CDC73: variants seen among roughly 807,000 people sequenced by gnomAD.
CDC73 encodes cell division cycle 73.
In CDC73, 21 loss-of-function variants were observed where a neutral mutation model predicts 83.7. The observed-to-expected ratio is 0.25, with a 90% CI of 0.18 to 0.36. The LOEUF is 0.36. Among genes scored for constraint, CDC73 ranks in the 10% least tolerant of loss-of-function variants. The pLI, the probability that CDC73 is intolerant of heterozygous loss-of-function variation, is 1.00. For missense variants in CDC73, 342 were observed against 653.3 expected (o/e 0.52, Z 5.19); for synonymous variants, 224 against 212.9 (o/e 1.05, Z -0.45).
rs901725473 is a variant in CDC73, at chr1:193,254,616, A to G, written c.*3904A>G. On this transcript the variant is annotated 3_prime_UTR_variant, in exon 17 of 17. Transcript: ENST00000367435. ...TTGAAAATGTATAATAGATGTATAA[A>G]GATTTATATTTAGTTAGTATATAAT... is the stretch of plus-strand genomic sequence containing the variant. 2.0e-5 allele frequency among the ~76,000 whole-genome samples: 3 copies of G among 152,140 alleles called. No individual in the cohort carries two copies. The highest frequency in any genetic ancestry group is 2.9e-5 in the Non-Finnish European group (2 of 67,996).
At chr1:193,174,257 G>T (rs1272552567) in intron 10 of CDC73, among the ~76,000 whole-genome samples, 1 of 151,728 alleles carries the variant, frequency 6.6e-6, no homozygotes, top group Non-Finnish European at 1.5e-5. Flanking sequence ...CTCTTAATAA[G>T]ACTGATTCCT....
intron 15 of CDC73, among the ~76,000 whole-genome samples, chr1:193,242,072 A>C (rs1008681596): frequency 2.0e-4 from 29 of 144,930 alleles, no homozygotes; most frequent in Non-Finnish European, 1.1e-4. Context: ...AGTGGCTTGC[A>C]CTTAGATATC....
chr1:193,146,325 A>G (rs1442058858), intron 7 of CDC73, among the ~76,000 whole-genome samples: 2 of 152,188 alleles, frequency 1.3e-5, no homozygotes, highest in Non-Finnish European at 2.9e-5. Flanking sequence ...CTCAGAGGCC[A>G]AGTATCTTTG....
intron 15 of CDC73, among the ~76,000 whole-genome samples, chr1:193,249,371 A>G (rs1678006701): frequency 6.6e-6 from 1 of 152,096 alleles, no homozygotes; most frequent in South Asian, 2.1e-4. Context: ...CTTTTATAAA[A>G]ATGCAATGAG....
chr1:193,175,689 G>A (rs1676589028), intron 10 of CDC73, among the ~76,000 whole-genome samples: 1 of 152,158 alleles, frequency 6.6e-6, no homozygotes, highest in Non-Finnish European at 1.5e-5. Context: ...GTAATCTAGA[G>A]ATTACTTAAA....
At chr1:193,198,114 A>G (rs1372244387) in intron 10 of CDC73, among the ~76,000 whole-genome samples, 2 of 152,182 alleles carry the variant, frequency 1.3e-5, no homozygotes, top group African/African-American at 4.8e-5. Context: ...GTGTATAGTG[A>G]TTAAACACCT....
chr1:193,181,581 T>A lies in CDC73; in HGVS notation c.973-22214T>A. 1.9e-6 allele frequency: 3 copies of A among 1,558,340 alleles called. No homozygotes were observed. In the South Asian group the frequency reaches 3.8e-5, roughly 20 times the overall value. On this transcript the variant is annotated intron_variant, in intron 10 of 16. Transcript: ENST00000367435. ...GAAGCATGTTGTAAATATCCAGTAG[T>A]GGTATATGAGAGATTGGTGACCAAA...
intron 13 of CDC73, among the ~76,000 whole-genome samples, chr1:193,226,499 G>A (rs1287120451): frequency 6.6e-6 from 1 of 152,102 alleles, no homozygotes; most frequent in Non-Finnish European, 1.5e-5. Context: ...TCTCTTGTCT[G>A]CCAATTTTGC....
In CDC73 at chr1:193,254,139, A is replaced by AT. The variant is rs1678093455; in HGVS notation, c.*3434dup. ...AGTCTTTTTAAATTTTTTATTTTTAATTTTTTTGGAAGTTTATTAAAGCCC... is the reference window on the plus strand; with the variant it reads ...AGTCTTTTTAAATTTTTTATTTTTAATTTTTTTTGGAAGTTTATTAAAGCCC... On this transcript the variant is annotated 3_prime_UTR_variant, in exon 17 of 17. Transcript: ENST00000367435. Among the ~76,000 whole-genome samples the AT allele has an allele frequency of 6.6e-6, 1 of 151,828 alleles. No individual in the cohort carries two copies. Among genetic ancestry groups the AT allele is most frequent in the South Asian group, 2.1e-4 (1 of 4,826 alleles).
intron 10 of CDC73, among the ~76,000 whole-genome samples, chr1:193,174,312 C>T (rs1572175602): frequency 6.6e-6 from 1 of 151,958 alleles, no homozygotes; most frequent in South Asian, 2.1e-4. Flanking sequence ...TTTCAGGACC[C>T]TTTTTCTTCT....
rs1481370786 is a variant in CDC73, at chr1:193,196,942, C to T, written c.973-6853C>T. ...TTTGAATGCCTTCTGTTTTTCTTGC[C>T]TAATTTCTCTGGCTGGAACTTTCAG... On this transcript the variant is annotated intron_variant, in intron 10 of 16. Transcript: ENST00000367435. Among the ~76,000 whole-genome samples, 3 of 151,974 alleles carry T rather than the reference C, an allele frequency of 2.0e-5. No individual in the cohort carries two copies. The East Asian group carries it at 5.8e-4, about 29-fold the overall frequency.
intron 10 of CDC73, among the ~76,000 whole-genome samples, chr1:193,175,380 G>A (rs1676583955): frequency 6.6e-6 from 1 of 152,134 alleles, no homozygotes; most frequent in East Asian, 1.9e-4. Flanking sequence ...AATGGATATG[G>A]GCAATAGCAA....
intron 5 of CDC73, among the ~76,000 whole-genome samples, chr1:193,137,822 A>C (rs1462089346): frequency 6.6e-6 from 1 of 152,214 alleles, no homozygotes. Flanking sequence ...CAGCTATGAT[A>C]TGGGAAGAGC....
chr1:193,200,211 G>GT lies in CDC73; in HGVS notation c.973-3577dup, dbSNP rs545087627. On this transcript the variant is annotated intron_variant, in intron 10 of 16. Transcript: ENST00000367435. Reference sequence around the variant, plus strand: ...TGCACTGCAACCTGGGTGAGATCCTGTTTTTTTAAAAAAAAGTTTTCAATA... The same window carrying GT: ...TGCACTGCAACCTGGGTGAGATCCTGTTTTTTTTAAAAAAAAGTTTTCAATA... Among the ~76,000 whole-genome samples the GT allele has an allele frequency of 2.6e-4, 40 of 152,062 alleles. No homozygotes were observed. The South Asian group carries it at 6.2e-3, about 24-fold the overall frequency.
chr1:193,176,256 A>G (rs1379459777), intron 10 of CDC73, among the ~76,000 whole-genome samples: 2 of 152,068 alleles, frequency 1.3e-5, no homozygotes, highest in Non-Finnish European at 2.9e-5. Flanking sequence ...AGGCCCCTAA[A>G]CCGTTTCCCT....
At chr1:193,177,528 T>TAAAA (rs556503372) in intron 10 of CDC73, among the ~76,000 whole-genome samples, 4 of 104,440 alleles carry the variant, frequency 3.8e-5, no homozygotes, top group Non-Finnish European at 6.1e-5. Context: ...AGACTCTGTC[T>TAAAA]AAAAAAAAAA....
rs538419372 is a variant in CDC73 at position 193,156,493 on chromosome 1, T to A, written c.972+4049T>A. Among the ~76,000 whole-genome samples the A allele has an allele frequency of 2.6e-5, 4 of 152,288 alleles. No homozygotes were observed. In the South Asian group the frequency reaches 8.3e-4, roughly 32 times the overall value. The stretch of plus-strand genomic sequence containing the variant: ...GGGAACGATTTTTTTTGACAGTAAG[T>A]AAACTTAGGTAGCTTTATATAATTT... On this transcript the variant is annotated intron_variant, in intron 10 of 16. Coordinates refer to ENST00000367435, the MANE Select transcript of CDC73 (RefSeq NM_024529.5).
chr1:193,133,763 G>A (rs548722790), intron 3 of CDC73, among the ~76,000 whole-genome samples: 2 of 152,194 alleles, frequency 1.3e-5, no homozygotes, highest in East Asian at 3.9e-4. Context: ...ACTAATATAC[G>A]AAGGGTCCTG....
Position 193,162,263 on chromosome 1 carries a change from A to ATG in CDC73, c.972+9820_972+9821insGT, listed in dbSNP as rs1558293586. The stretch of plus-strand genomic sequence containing the variant: ...ATAATATATAATAAATATAGTATAT[A>ATG]TAATAGATAATATATAGTATATATG... On this transcript the variant is annotated intron_variant, in intron 10 of 16. Transcript: ENST00000367435. Among the ~76,000 whole-genome samples, 144 of 119,026 alleles carry ATG rather than the reference A, an allele frequency of 1.2e-3. 1 individual carries two copies. Among genetic ancestry groups the ATG allele is most frequent in the South Asian group, 3.6e-3 (15 of 4,170 alleles). The allele number at this position is 119,026 out of a possible 152,430, so 78.1% of individuals were successfully genotyped here.
Sources: gnomAD v4.1 joint callset for allele counts (sites outside exome capture counted in the v4.1 genomes callset) on GRCh38, gnomAD v4.1.1 for gene constraint, MANE v1.5 for transcripts, NCBI Gene and HGNC (gene_info 2026-07-23, HGNC 2026-07-21) for gene names.